The following MSRA variants were observed in gnomAD, a reference collection of about 807,000 sequenced individuals.
The protein encoded by MSRA is mitochondrial peptide methionine sulfoxide reductase.
In MSRA, 54 loss-of-function variants were observed where a neutral mutation model predicts 31.3. The observed-to-expected ratio is 1.73, with a 90% CI of 1.39 to 2.17. The LOEUF (loss-of-function observed/expected upper bound fraction) is 2.17. Ranked by LOEUF, MSRA falls within the 30% of genes most tolerant of loss-of-function variation. MSRA has a pLI of 0.00. For missense variants in MSRA, 507 were observed against 300.9 expected (o/e 1.69, Z -5.07); for synonymous variants, 169 against 116.5 (o/e 1.45, Z -2.90).
At chr8:10,382,776 G>A (rs1471737517) in intron 5 of MSRA, among the ~76,000 whole-genome samples, 2 of 152,200 alleles carry the variant, frequency 1.3e-5, no homozygotes, top group African/African-American at 4.8e-5. Flanking sequence ...GGAAGGACAA[G>A]GCTGTGCTGG....
chr8:10,100,051 A>G (rs1477402816), intron 1 of MSRA, among the ~76,000 whole-genome samples: 2 of 152,178 alleles, frequency 1.3e-5, no homozygotes, highest in African/African-American at 4.8e-5. Flanking sequence ...CTGCCCAGCA[A>G]GCAGCTTCAG....
intron 5 of MSRA, among the ~76,000 whole-genome samples, chr8:10,348,946 G>A (rs187121117): frequency 8.8e-4 from 134 of 152,238 alleles, no homozygotes; most frequent in African/African-American, 3.0e-3. Context: ...AAGCCTGCCA[G>A]CTTGGTATTT....
intron 5 of MSRA, among the ~76,000 whole-genome samples, chr8:10,396,707 C>T (rs1428987869): frequency 6.6e-6 from 1 of 152,192 alleles, no homozygotes; most frequent in Non-Finnish European, 1.5e-5. Flanking sequence ...AGAAATGTTT[C>T]CACTTCCTTC....
At chr8:10,141,853 G>T (rs1477960769) in intron 1 of MSRA, among the ~76,000 whole-genome samples, 1 of 152,176 alleles carries the variant, frequency 6.6e-6, no homozygotes, top group East Asian at 1.9e-4. Flanking sequence ...GATTACCGTG[G>T]TTGCACTGTG....
chr8:10,145,057 A>G (rs937846287), intron 1 of MSRA, among the ~76,000 whole-genome samples: 5 of 152,102 alleles, frequency 3.3e-5, no homozygotes, highest in Non-Finnish European at 7.4e-5. Flanking sequence ...TATGTCAAGG[A>G]TGAAATTATA....
At chr8:10,313,475 A>C (rs1801546707) in intron 4 of MSRA, among the ~76,000 whole-genome samples, 2 of 152,016 alleles carry the variant, frequency 1.3e-5, no homozygotes, top group South Asian at 2.1e-4. Context: ...TCTAAAAAAA[A>C]AAAAACAAAA....
At chr8:10,201,586 T>C (rs953861699) in intron 1 of MSRA, among the ~76,000 whole-genome samples, 6 of 152,230 alleles carry the variant, frequency 3.9e-5, no homozygotes, top group Admixed American at 2.0e-4. Flanking sequence ...TTTTGCATTA[T>C]TGTAGATGTG....
At chr8:10,094,846 G>C (rs1374846377) in intron 1 of MSRA, among the ~76,000 whole-genome samples, 4 of 152,172 alleles carry the variant, frequency 2.6e-5, no homozygotes, top group East Asian at 1.9e-4. Flanking sequence ...TGGAACTTGA[G>C]GTGTCAAAAT....
At chr8:10,133,614 C>A (rs568728768) in intron 1 of MSRA, among the ~76,000 whole-genome samples, 4 of 152,252 alleles carry the variant, frequency 2.6e-5, no homozygotes, top group African/African-American at 9.6e-5. Flanking sequence ...TTTAGTATAC[C>A]CACAGTGGGG....
intron 1 of MSRA, among the ~76,000 whole-genome samples, chr8:10,137,663 T>C (rs1002627936): frequency 6.6e-6 from 1 of 152,156 alleles, no homozygotes; most frequent in Non-Finnish European, 1.5e-5. Flanking sequence ...CCCCACTTCC[T>C]AACAGTGTTC....
intron 1 of MSRA, among the ~76,000 whole-genome samples, chr8:10,059,257 G>C (rs924969577): frequency 1.3e-5 from 2 of 152,302 alleles, no homozygotes; most frequent in African/African-American, 4.8e-5. Context: ...GATGATAATA[G>C]CTCACACTTG....
intron 5 of MSRA, among the ~76,000 whole-genome samples, chr8:10,397,927 C>T (rs1807201603): frequency 6.6e-6 from 1 of 152,118 alleles, no homozygotes; most frequent in Non-Finnish European, 1.5e-5. Context: ...GGGTGGAGGC[C>T]CCTCTTCCCT....
chr8:10,420,911 C>G (rs1808774859), intron 5 of MSRA, among the ~76,000 whole-genome samples: 2 of 149,720 alleles, frequency 1.3e-5, no homozygotes, highest in South Asian at 4.2e-4. Context: ...AAAGGAGAAT[C>G]ACTTGAGCCT....
chr8:10,130,762 C>T (rs1025518998), intron 1 of MSRA, among the ~76,000 whole-genome samples: 1 of 152,084 alleles, frequency 6.6e-6, no homozygotes, highest in East Asian at 1.9e-4. Flanking sequence ...TTCTGGCGGT[C>T]GCTAAGATGT....
At chr8:10,071,458 C>CTTTTT (rs77512999) in intron 1 of MSRA, among the ~76,000 whole-genome samples, 3 of 129,270 alleles carry the variant, frequency 2.3e-5, no homozygotes, top group Non-Finnish European at 3.3e-5. Context: ...TTTTAATTTT[C>CTTTTT]TTTTTTTTTT....
chr8:10,402,996 C>G (rs918926060), intron 5 of MSRA, among the ~76,000 whole-genome samples: 2 of 152,180 alleles, frequency 1.3e-5, no homozygotes, highest in Non-Finnish European at 2.9e-5. Context: ...AAGACAGCTT[C>G]TAAGCAACCA....
At chr8:10,193,106 T>A (rs925463093) in intron 1 of MSRA, among the ~76,000 whole-genome samples, 16 of 152,350 alleles carry the variant, frequency 1.1e-4, no homozygotes, top group Admixed American at 9.1e-4. Context: ...ATAATTCTCC[T>A]CGAAATCAGA....
At chr8:10,401,650 G>C (rs778257009) in intron 5 of MSRA, among the ~76,000 whole-genome samples, 1 of 150,672 alleles carries the variant, frequency 6.6e-6, no homozygotes, top group Non-Finnish European at 1.5e-5. Flanking sequence ...AAAAGTGGAA[G>C]CAACTTAAGT....
At chr8:10,283,160 A>ACACT in intron 3 of MSRA, among the ~76,000 whole-genome samples, 9 of 140,238 alleles carry the variant, frequency 6.4e-5, no homozygotes, top group Non-Finnish European at 1.1e-4. Context: ...ACACACACAC[A>ACACT]CTCTCACCCT....
Sources: allele counts gnomAD v4.1 joint callset (sites outside exome capture counted in the v4.1 genomes callset), GRCh38; gene constraint gnomAD v4.1.1; transcripts MANE v1.5; gene names NCBI Gene and HGNC (gene_info 2026-07-23, HGNC 2026-07-21).